The following MARCHF7 variants were observed in gnomAD, a reference collection of about 807,000 sequenced individuals.
MARCHF7 encodes E3 ubiquitin-protein ligase MARCHF7.
In MARCHF7, 20 loss-of-function variants were observed where a neutral mutation model predicts 76.5. That is an observed-to-expected ratio of 0.26 (90% confidence interval 0.18 to 0.38). The LOEUF is 0.38. Among genes scored for constraint, MARCHF7 ranks in the 10% least tolerant of loss-of-function variants. The pLI is 1.00. For synonymous variants in MARCHF7, 295 were observed against 293.0 expected (o/e 1.01, Z -0.07); for missense variants, 797 against 812.9 (o/e 0.98, Z 0.24).
chr2:159,737,902 T>C (rs2125495017), intron 4 of MARCHF7, among the ~76,000 whole-genome samples: 1 of 152,346 alleles, frequency 6.6e-6, no homozygotes, highest in South Asian at 2.1e-4. Flanking sequence ...ACTTGGAGTG[T>C]TGCTTTTCCA....
In MARCHF7 at chr2:159,748,149, GC is replaced by G. The variant is rs748149588; in HGVS notation, c.860del (p.Ala287ValfsTer18). 6.2e-7 allele frequency: 1 copy of G among 1,613,552 alleles called. No individual in the cohort carries two copies. Among genetic ancestry groups the G allele is most frequent in the South Asian group, 1.1e-5 (1 of 90,922 alleles). On this transcript the variant is annotated frameshift_variant, in exon 7 of 12. Transcript: ENST00000409175. LOFTEE classifies it high-confidence loss of function. ...AACGAGGAGATTGCTGTCACGCATA[GC>G]TTCTAGCATGTCATCTACTTTTTTT... ...RTTRRLLSRIASSMSSTFFSR... is the reference protein window; with the variant it reads ...RTTRRLLSRIXSSMSSTFFSR...
chr2:159,767,594 G>C lies in MARCHF7; in HGVS notation c.*252G>C, dbSNP rs1347923029. ...GTAATCAAAAAGGTTTTTTCTTTTA[G>C]GTGAGTGGGAAAGTATTACCCTTGT... On this transcript the variant is annotated 3_prime_UTR_variant, in exon 12 of 12. Transcript: ENST00000409175. 3.1e-6 allele frequency: 1 copy of C among 320,250 alleles called. No individual in the cohort carries two copies. Among genetic ancestry groups the C allele is most frequent in the Non-Finnish European group, 5.7e-6 (1 of 175,324 alleles). 19.8% of individuals were successfully genotyped at this position (320,250 alleles called of 1,614,324 possible).
At chr2:159,747,689 C>T in intron 6 of MARCHF7, 116 bp from the exon 7 acceptor site, 3 of 951,924 alleles carry the variant, frequency 3.2e-6, no homozygotes, top group South Asian at 1.9e-5. Context: ...TCTGTAGTTA[C>T]AATATAACAG....
intron 3 of MARCHF7, among the ~76,000 whole-genome samples, chr2:159,722,793 A>G (rs745422300): frequency 4.6e-5 from 7 of 152,246 alleles, no homozygotes; most frequent in African/African-American, 7.2e-5. Flanking sequence ...TCAAAATTCA[A>G]TCAATTTATG....
At chr2:159,715,494 G>A (rs936511511) in intron 2 of MARCHF7, among the ~76,000 whole-genome samples, 187 bp from the exon 3 acceptor site, 1 of 151,958 alleles carries the variant, frequency 6.6e-6, no homozygotes, top group African/African-American at 2.4e-5. Context: ...CTACAGGTGC[G>A]CGCCACCATG....
chr2:159,722,405 A>G (rs1482879195), intron 3 of MARCHF7, among the ~76,000 whole-genome samples: 1 of 152,190 alleles, frequency 6.6e-6, no homozygotes, highest in Non-Finnish European at 1.5e-5. Context: ...AAGTGCAGAG[A>G]TTACAGCTGT....
chr2:159,714,779 A>C (rs548414703), intron 2 of MARCHF7, among the ~76,000 whole-genome samples, 181 bp downstream of exon 2: 1 of 152,078 alleles, frequency 6.6e-6, no homozygotes, highest in Non-Finnish European at 1.5e-5. Context: ...GTGCGGGTGT[A>C]GTGGTGCGCA....
intron 11 of MARCHF7, among the ~76,000 whole-genome samples, chr2:159,767,037 G>C (rs559751357): frequency 6.6e-6 from 1 of 151,776 alleles, no homozygotes; most frequent in East Asian, 1.9e-4. Context: ...ACATTTTTAA[G>C]CACTTTCATT....
Position 159,764,607 on chromosome 2 carries a change from C to CT in MARCHF7, c.2008-16dup, listed in dbSNP as rs1023076671. ...TTGCAACATTTAAACTACTGTATTTCTTTCTGCATTGTTTCTAGTTTATTA... is the reference window on the plus strand; with the variant it reads ...TTGCAACATTTAAACTACTGTATTTCTTTTCTGCATTGTTTCTAGTTTATTA... On this transcript the variant is annotated intron_variant, in intron 10 of 11. Transcript: ENST00000409175. The CT allele has an allele frequency of 3.2e-6, 5 of 1,575,356 alleles. No homozygotes were observed. In the African/African-American group the frequency reaches 6.8e-5, roughly 22 times the overall value.
In MARCHF7 at chr2:159,748,785, A is replaced by G; in HGVS notation, c.1495A>G (p.Asn499Asp). 1 of 1,614,156 alleles carries G rather than the reference A, an allele frequency of 6.2e-7. No individual in the cohort carries two copies. Among genetic ancestry groups the G allele is most frequent in the Non-Finnish European group, 8.5e-7 (1 of 1,180,038 alleles). ...PPALGSNLTD[N>D]VMITVDIIPS... is the part of the protein sequence containing the mutation. ...AGCACTTGGGAGTAATTTGACCGAC[A>G]ATGTCATGATCACAGTAGATATTAT... Residue 499 changes from asparagine to aspartate, a missense_variant, in exon 7 of 12, where the codon AAT (asparagine) becomes GAT (aspartate). By Grantham distance (23) the Asn-to-Asp change is conservative. Coordinates refer to ENST00000409175, the MANE Select transcript of MARCHF7 (RefSeq NM_001282805.2).
In MARCHF7 at chr2:159,747,983, A is replaced by G. The variant is rs144441888; in HGVS notation, c.693A>G (p.Ser231=). 863 of 1,614,148 alleles carry G rather than the reference A, an allele frequency of 5.3e-4. No homozygotes were observed. Among genetic ancestry groups the G allele is most frequent in the Non-Finnish European group, 6.8e-4 (806 of 1,180,002 alleles). The change falls in exon 7 of 12, where the codon TCA becomes TCG. Residue 231 remains serine, a synonymous_variant. Transcript: ENST00000409175. ...GATCAAATTTTTCTTCAAGAGAATC[A>G]GAATCTTCCCGAAGCAATACGCAGC... The part of the protein sequence containing the change: ...SLRSNFSSRE[S]ESSRSNTQPG...
At chr2:159,717,077 G>T (rs1175891919) in intron 3 of MARCHF7, among the ~76,000 whole-genome samples, 8 of 152,158 alleles carry the variant, frequency 5.3e-5, no homozygotes, top group Admixed American at 5.2e-4. Flanking sequence ...GCTAGTGTTG[G>T]TGGACATATA....
At chr2:159,730,193 T>C (rs919947570) in intron 4 of MARCHF7, among the ~76,000 whole-genome samples, 2 of 152,316 alleles carry the variant, frequency 1.3e-5, no homozygotes, top group South Asian at 2.1e-4. Context: ...ATGCCCACCA[T>C]GCCTGGCTAG....
In MARCHF7 at chr2:159,742,960, T is replaced by C. The variant is rs1456850846; in HGVS notation, c.154-101T>C. The C allele has an allele frequency of 2.8e-6, 3 of 1,055,730 alleles. No individual in the cohort carries two copies. The East Asian group carries it at 7.5e-5, about 26-fold the overall frequency. 65.4% of individuals were successfully genotyped at this position (1,055,730 alleles called of 1,614,324 possible). On this transcript the variant is annotated intron_variant, in intron 4 of 11. Transcript: ENST00000409175. ...TCAAAAAAAAAAAAGAACTACGTGG[T>C]AGAAAAATTGATGCTTGTGGGAATT...
chr2:159,717,857 G>T (rs10172847), intron 3 of MARCHF7, among the ~76,000 whole-genome samples: 5,674 of 152,138 alleles, frequency 0.037, 339 homozygotes, highest in African/African-American at 0.13. Context: ...GTTGTTTAAT[G>T]CATATACTTA....
At chr2:159,732,971 A>G (rs1229782032) in intron 4 of MARCHF7, 2 of 973,450 alleles carry the variant, frequency 2.1e-6, no homozygotes, top group East Asian at 2.3e-4. Context: ...AAGAAAGAAT[A>G]CATGTGAAGC....
At chr2:159,723,262 G>A (rs141280644) in intron 3 of MARCHF7, among the ~76,000 whole-genome samples, 4 of 152,188 alleles carry the variant, frequency 2.6e-5, no homozygotes, top group African/African-American at 4.8e-5. Flanking sequence ...TACCAAATAC[G>A]TATATAGTTT....
At chr2:159,731,963 G>C (rs985930740) in intron 4 of MARCHF7, among the ~76,000 whole-genome samples, 1 of 151,718 alleles carries the variant, frequency 6.6e-6, no homozygotes, top group African/African-American at 2.4e-5. Context: ...AATTAGCCGG[G>C]CGTGGTGGCG....
chr2:159,752,402 C>G lies in MARCHF7; in HGVS notation c.1614C>G (p.Ser538Arg). The change falls in exon 8 of 12, where the codon AGC becomes AGG. Residue 538 changes from serine to arginine, a missense_variant and splice_region_variant. Ser to Arg is a moderately radical substitution (Grantham distance 110). Transcript: ENST00000409175. ...TTGGGAAATGTGCCTTCTTTTCCAG[C>G]CTCCTTTTAGAGGACTCAGAAGAAG... ...DPERLQKIKE[S>R]LLLEDSEEEE... The G allele has an allele frequency of 1.3e-6, 2 of 1,568,564 alleles. No individual in the cohort carries two copies.
Sources: gnomAD v4.1 joint callset for allele counts (sites outside exome capture counted in the v4.1 genomes callset) on GRCh38, gnomAD v4.1.1 for gene constraint, MANE v1.5 for transcripts, NCBI Gene and HGNC (gene_info 2026-07-23, HGNC 2026-07-21) for gene names.